The following CCDC141 variants were observed in gnomAD, a reference collection of about 807,000 sequenced individuals.
The protein encoded by CCDC141 is coiled-coil domain-containing protein 141.
CCDC141 carries 168 observed loss-of-function variants against 181.0 expected under a neutral mutation model. The observed-to-expected ratio is 0.93, with a 90% CI of 0.82 to 1.05. CCDC141 has a LOEUF of 1.05. CCDC141 is among the 50% of genes least tolerant of loss of function. CCDC141 has a pLI of 0.00. For missense variants in CCDC141, 1,902 were observed against 1,788.5 expected, an observed-to-expected ratio of 1.06 and a Z score of -1.14; for synonymous variants, 666 against 642.3, an observed-to-expected ratio of 1.04 and a Z score of -0.56.
chr2:178,820,544 C>A, the CCDC141 span, among the ~76,000 whole-genome samples: 1,109 of 152,128 alleles, frequency 7.3e-3, 16 homozygotes, highest in African/African-American at 0.025. Context: ...GAGGCTCAAG[C>A]TTAATTTGGA....
At chr2:178,879,320 C>T (rs977949283) in intron 11 of CCDC141, among the ~76,000 whole-genome samples, 2 of 152,182 alleles carry the variant, frequency 1.3e-5, no homozygotes, top group African/African-American at 4.8e-5. Context: ...TAAGAAATTT[C>T]AGGCAATGGT....
intron 6 of CCDC141, among the ~76,000 whole-genome samples, chr2:178,941,958 C>CAAAAAAAAAAAAAA (rs66903231): frequency 4.2e-5 from 3 of 71,496 alleles, no homozygotes; most frequent in African/African-American, 1.9e-4. Flanking sequence ...GATCCCATCT[C>CAAAAAAAAAAAAAA]AAAAAAAAAA....
chr2:178,831,896 AT>A lies in CCDC141; in HGVS notation c.*2276del, dbSNP rs1229166468. ...TCTTTCTCTCTCTCTCTAAAAATGG[AT>A]TTTGCATGCTTTTTTCCATCATAAC... On this transcript the variant is annotated 3_prime_UTR_variant, in exon 24 of 24. Coordinates refer to ENST00000443758, the MANE Select transcript of CCDC141 (RefSeq NM_173648.4). 31 of 151,292 alleles carry A rather than the reference AT, an allele frequency of 2.0e-4. No individual in the cohort carries two copies. In the East Asian group the frequency reaches 5.2e-3, roughly 25 times the overall value. 9.4% of individuals were successfully genotyped at this position (151,292 alleles called of 1,614,324 possible). A position where few individuals can be genotyped will look rare whatever the true frequency, so the allele number is the denominator to read the frequency against.
At chr2:178,985,364 G>A (rs1691672081) in intron 2 of CCDC141, among the ~76,000 whole-genome samples, 1 of 145,892 alleles carries the variant, frequency 6.9e-6, no homozygotes, top group Admixed American at 6.8e-5. Flanking sequence ...AGAGAAAGCA[G>A]GAAAGATCCA....
rs13033688 is a variant in CCDC141, at chr2:178,853,406, T to A, written c.3244+35A>T. ...TTAGGCTCAGTATAGATTTGTTCAA[T>A]GGCCAATCACTGGATATCTTAAAAG... On this transcript the variant is annotated intron_variant, in intron 20 of 23. Transcript: ENST00000443758. 0.076 allele frequency: 121,865 copies of A among 1,597,144 alleles called. 5,185 individuals are homozygous for A. The highest frequency in any genetic ancestry group is 0.14 in the East Asian group (6,425 of 44,786).
intron 2 of CCDC141, among the ~76,000 whole-genome samples, chr2:178,999,019 T>C (rs1199026361): frequency 6.6e-6 from 1 of 152,158 alleles, no homozygotes; most frequent in African/African-American, 2.4e-5. Flanking sequence ...TACAGTCCAA[T>C]AGGAATGGTG....
At chr2:178,844,231 T>C (rs1158646625) in intron 22 of CCDC141, among the ~76,000 whole-genome samples, 1 of 152,162 alleles carries the variant, frequency 6.6e-6, no homozygotes, top group Admixed American at 6.5e-5. Context: ...GTGTTGGAGT[T>C]AGTAACTCTT....
At chr2:179,022,878 T>G (rs978318706) in intron 2 of CCDC141, among the ~76,000 whole-genome samples, 4 of 152,062 alleles carry the variant, frequency 2.6e-5, no homozygotes, top group Admixed American at 6.6e-5. Context: ...ACGTGGTTCC[T>G]GCAAATCCTA....
chr2:178,972,442 A>G (rs1203751274), intron 4 of CCDC141, among the ~76,000 whole-genome samples: 2 of 152,214 alleles, frequency 1.3e-5, no homozygotes, highest in Non-Finnish European at 2.9e-5. Flanking sequence ...ATAAATTATT[A>G]CTACACAGTG....
intron 2 of CCDC141, among the ~76,000 whole-genome samples, chr2:178,979,587 T>C (rs1404471764): frequency 1.3e-5 from 2 of 152,148 alleles, no homozygotes; most frequent in Non-Finnish European, 2.9e-5. Flanking sequence ...AATTTGTGTT[T>C]GCTAGAGTAT....
At chr2:179,023,807 C>T (rs1031008760) in intron 2 of CCDC141, among the ~76,000 whole-genome samples, 7 of 152,154 alleles carry the variant, frequency 4.6e-5, no homozygotes, top group African/African-American at 1.7e-4. Flanking sequence ...GTGCAAATGG[C>T]CCTGCTCTAC....
At chr2:178,859,681 G>A (rs562305037) in intron 17 of CCDC141, among the ~76,000 whole-genome samples, 145 of 152,126 alleles carry the variant, frequency 9.5e-4, no homozygotes, top group African/African-American at 3.2e-3. Context: ...ATTTACCATA[G>A]AATAAACAGA....
In CCDC141 at chr2:178,906,038, T is replaced by C. The variant is rs1262923913; in HGVS notation, c.1093-537A>G. On this transcript the variant is annotated intron_variant, in intron 7 of 23. Transcript: ENST00000443758. ...GATATAAGACCTTCAGCCTACTCCA[T>C]CCAAGGCATCCATCTGTCTTCAGAA... Among the ~76,000 whole-genome samples, 3 of 152,292 alleles carry C rather than the reference T, an allele frequency of 2.0e-5. No individual in the cohort carries two copies. The East Asian group carries it at 5.8e-4, about 29-fold the overall frequency.
At chr2:178,918,610 C>A in intron 7 of CCDC141, 103 bp downstream of exon 7, 1 of 869,532 alleles carries the variant, frequency 1.2e-6, no homozygotes. Flanking sequence ...TGAAATTTTA[C>A]ATGGCGTTTT....
At chr2:179,002,412 G>T (rs997938396) in intron 2 of CCDC141, 2 of 341,720 alleles carry the variant, frequency 5.9e-6, no homozygotes, top group Non-Finnish European at 5.7e-6. Context: ...AGAGAAGGAT[G>T]TTCCTGGACT....
At chr2:178,998,982 G>A (rs928408625) in intron 2 of CCDC141, among the ~76,000 whole-genome samples, 5 of 152,200 alleles carry the variant, frequency 3.3e-5, no homozygotes, top group East Asian at 1.9e-4. Context: ...ACAGCAAGTC[G>A]TGAACATTGA....
intron 2 of CCDC141, among the ~76,000 whole-genome samples, chr2:179,037,960 A>G (rs1469181219): frequency 6.6e-6 from 1 of 152,190 alleles, no homozygotes; most frequent in Non-Finnish European, 1.5e-5. Context: ...TTTCCTCAAA[A>G]CACTAAAAAC....
intron 2 of CCDC141, among the ~76,000 whole-genome samples, chr2:179,039,296 T>C (rs183412783): frequency 6.6e-6 from 1 of 152,178 alleles, no homozygotes; most frequent in Non-Finnish European, 1.5e-5. Flanking sequence ...TTTTCGGAAT[T>C]TTTTTCTTTA....
At chr2:178,825,973 T>C (rs1451498793), downstream of CCDC141, among the ~76,000 whole-genome samples, 2 of 152,320 alleles carry the variant, frequency 1.3e-5, no homozygotes, top group African/African-American at 4.8e-5. Flanking sequence ...TATGTTTTCT[T>C]GTCATATTCA....
Sources: gnomAD v4.1 joint callset for allele counts (sites outside exome capture counted in the v4.1 genomes callset) on GRCh38, gnomAD v4.1.1 for gene constraint, MANE v1.5 for transcripts, NCBI Gene and HGNC (gene_info 2026-07-23, HGNC 2026-07-21) for gene names.